Variants in GPR149 observed in about 807,000 individuals in gnomAD.
The protein encoded by GPR149 is probable G protein-coupled receptor 149.
A neutral mutation model predicts 50.2 loss-of-function variants in GPR149; 50 were observed. The observed-to-expected ratio is 1.00, with a 90% confidence interval of 0.79 to 1.26. The LOEUF is 1.26. Ranked by LOEUF, GPR149 falls within the 50% of genes most tolerant of loss-of-function variation. The pLI is 0.00. For synonymous variants in GPR149, 405 were observed against 358.2 expected, an observed-to-expected ratio of 1.13 and a Z score of -1.48; for missense variants, 983 against 895.4, an observed-to-expected ratio of 1.10 and a Z score of -1.25.
At chr3:154,344,514 T>C (rs1209202501) in intron 3 of GPR149, among the ~76,000 whole-genome samples, 1 of 152,174 alleles carries the variant, frequency 6.6e-6, no homozygotes. Context: ...CTGTAAACTG[T>C]GAATATGACC....
intron 3 of GPR149, among the ~76,000 whole-genome samples, chr3:154,371,308 T>C (rs1245465483): frequency 6.6e-6 from 1 of 152,184 alleles, no homozygotes; most frequent in African/African-American, 2.4e-5. Flanking sequence ...CACAGCCTAT[T>C]GATGCCTAAA....
chr3:154,369,380 T>C (rs1714609261), intron 3 of GPR149, among the ~76,000 whole-genome samples: 1 of 152,202 alleles, frequency 6.6e-6, no homozygotes, highest in Admixed American at 6.5e-5. Context: ...GTAAATTTAG[T>C]AAAGTCCCTT....
chr3:154,421,590 T>C, intron 2 of GPR149, 103 bp from the exon 3 acceptor site: 3 of 577,738 alleles, frequency 5.2e-6, no homozygotes, highest in Middle Eastern at 9.7e-4. Context: ...AACTTGATTA[T>C]TATACATTTT....
At chr3:154,418,738 C>T (rs985961003) in intron 3 of GPR149, among the ~76,000 whole-genome samples, 31 of 150,466 alleles carry the variant, frequency 2.1e-4, no homozygotes, top group Middle Eastern at 6.8e-3. Flanking sequence ...GTGGGTGCAG[C>T]GCACCAGCAT....
chr3:154,371,353 C>T (rs987499046), intron 3 of GPR149, among the ~76,000 whole-genome samples: 12 of 152,140 alleles, frequency 7.9e-5, no homozygotes, highest in African/African-American at 2.9e-4. Context: ...TCTCTCCTTT[C>T]TAGCACCTCC....
intron 3 of GPR149, among the ~76,000 whole-genome samples, chr3:154,379,067 C>T (rs1714860545): frequency 1.7e-4 from 1 of 5,914 alleles, no homozygotes. Flanking sequence ...GGTGAAACCC[C>T]GTCTCTACTA....
At chr3:154,380,499 C>G (rs1428134631) in intron 3 of GPR149, among the ~76,000 whole-genome samples, 2 of 150,934 alleles carry the variant, frequency 1.3e-5, no homozygotes, top group East Asian at 4.5e-4. Flanking sequence ...GGAACTGCCT[C>G]TACACTATTC....
chr3:154,407,691 T>TACAC (rs1225672801), intron 3 of GPR149, among the ~76,000 whole-genome samples: 327 of 12,796 alleles, frequency 0.026, 1 homozygote, highest in African/African-American at 0.13. Flanking sequence ...ATGTCATGTG[T>TACAC]ATACACACAC....
chr3:154,336,160 A>G lies in GPR149; in HGVS notation c.*1539T>C, dbSNP rs1713652315. 6.6e-6 allele frequency: 1 copy of G among 152,110 alleles called. No homozygotes were observed. Among genetic ancestry groups the G allele is most frequent in the African/African-American group, 2.4e-5 (1 of 41,466 alleles). 9.4% of individuals were successfully genotyped at this position (152,110 alleles called of 1,614,324 possible). On this transcript the variant is annotated 3_prime_UTR_variant, in exon 4 of 4. Coordinates refer to ENST00000389740, the MANE Select transcript of GPR149 (RefSeq NM_001038705.3). ...TTGCTTTACAAACATTATTAGTGGT[A>G]ATACATATGTTTCCCAAATTTAGAT...
chr3:154,415,191 A>G (rs1013107379), intron 3 of GPR149, among the ~76,000 whole-genome samples: 1 of 151,880 alleles, frequency 6.6e-6, no homozygotes, highest in Non-Finnish European at 1.5e-5. Flanking sequence ...TCAGTACACA[A>G]TCTTTTAGGT....
chr3:154,414,297 A>G (rs143411250), intron 3 of GPR149, among the ~76,000 whole-genome samples: 256 of 152,108 alleles, frequency 1.7e-3, no homozygotes, highest in African/African-American at 6.0e-3. Context: ...TGTTCCCTAA[A>G]AACCTATTGA....
At chr3:154,356,855 A>G (rs1382661278) in intron 3 of GPR149, among the ~76,000 whole-genome samples, 1 of 152,194 alleles carries the variant, frequency 6.6e-6, no homozygotes, top group Admixed American at 6.5e-5. Flanking sequence ...TGGAACCAAA[A>G]AAGGGCCCGC....
chr3:154,368,303 C>T (rs539986646), intron 3 of GPR149, among the ~76,000 whole-genome samples: 49 of 152,186 alleles, frequency 3.2e-4, no homozygotes, highest in Non-Finnish European at 6.9e-4. Flanking sequence ...TCAAGATTCC[C>T]TATTTAGAAG....
chr3:154,427,059 A>G (rs2108432533), intron 2 of GPR149, among the ~76,000 whole-genome samples: 2 of 152,238 alleles, frequency 1.3e-5, no homozygotes, highest in Middle Eastern at 3.4e-3. Flanking sequence ...CCATTGCATA[A>G]TAATGTTATA....
At chr3:154,352,843 T>C in intron 3 of GPR149, 1 of 923,436 alleles carries the variant, frequency 1.1e-6, no homozygotes, top group East Asian at 2.4e-5. Flanking sequence ...ATATCTTAGT[T>C]GACCTCTTTC....
intron 3 of GPR149, among the ~76,000 whole-genome samples, chr3:154,402,741 C>T (rs5002574): frequency 0.65 from 98,778 of 151,522 alleles, 32,486 homozygotes; most frequent in East Asian, 0.8. Flanking sequence ...ATATCCTGTA[C>T]ACTTTTTTTC....
chr3:154,365,359 G>C (rs1003219834), intron 3 of GPR149, among the ~76,000 whole-genome samples: 1 of 152,110 alleles, frequency 6.6e-6, no homozygotes, highest in Non-Finnish European at 1.5e-5. Context: ...CAGTCTCAAA[G>C]ATCTCCAAAA....
At chr3:154,386,660 A>G (rs1440797696) in intron 3 of GPR149, among the ~76,000 whole-genome samples, 2 of 152,198 alleles carry the variant, frequency 1.3e-5, no homozygotes, top group East Asian at 1.9e-4. Flanking sequence ...AACCTGCCTT[A>G]GGGAGACTGT....
In GPR149 at chr3:154,427,690, T is replaced by C; in HGVS notation, c.1000A>G (p.Asn334Asp). ...LPMMMHMVVQ[N>D]VVGFQSLPLE... Reference sequence around the variant, plus strand: ...GGAAGGCTCTGAAACCCCACGACGTTCTGGACCACCATGTGCATCTGCAAG... The same window carrying C: ...GGAAGGCTCTGAAACCCCACGACGTCCTGGACCACCATGTGCATCTGCAAG... Residue 334 changes from asparagine to aspartate, a missense_variant, in exon 2 of 4, where the codon AAC becomes GAC. Coordinates refer to ENST00000389740, the MANE Select transcript of GPR149 (RefSeq NM_001038705.3). 1 of 1,612,852 alleles carries C rather than the reference T, an allele frequency of 6.2e-7. No individual in the cohort carries two copies. The highest frequency in any genetic ancestry group is 8.5e-7 in the Non-Finnish European group (1 of 1,179,376).
Sources: gnomAD v4.1 joint callset for allele counts (sites outside exome capture counted in the v4.1 genomes callset) on GRCh38, gnomAD v4.1.1 for gene constraint, MANE v1.5 for transcripts, NCBI Gene and HGNC (gene_info 2026-07-23, HGNC 2026-07-21) for gene names.